NCKAP5: variants seen among roughly 807,000 people sequenced by gnomAD.
The protein encoded by NCKAP5 is NCK associated protein 5.
A neutral mutation model predicts 167.0 loss-of-function variants in NCKAP5; 92 were observed. That is an observed-to-expected ratio of 0.55 (90% CI 0.47 to 0.66). The LOEUF is 0.66. NCKAP5 is among the 30% of genes least tolerant of loss of function. NCKAP5 has a pLI of 0.00. For missense variants in NCKAP5, 2,378 were observed against 2,315.0 expected (o/e 1.03, Z -0.56); for synonymous variants, 891 against 877.4 (o/e 1.02, Z -0.27).
chr2:133,673,177 A>G, the NCKAP5 span, among the ~76,000 whole-genome samples: 2 of 152,192 alleles, frequency 1.3e-5, no homozygotes, highest in Admixed American at 6.5e-5. Context: ...AGGTTCATAT[A>G]GTCCTCTGAG....
intron 6 of NCKAP5, among the ~76,000 whole-genome samples, chr2:133,068,532 G>A (rs2080276948): frequency 6.6e-6 from 1 of 152,186 alleles, no homozygotes; most frequent in Non-Finnish European, 1.5e-5. Flanking sequence ...TGAGCAAGGG[G>A]CTCCTTCTAG....
chr2:132,953,154 T>C (rs1198429997), intron 8 of NCKAP5, among the ~76,000 whole-genome samples: 1 of 152,186 alleles, frequency 6.6e-6, no homozygotes, highest in Non-Finnish European at 1.5e-5. Flanking sequence ...CTTGCACATA[T>C]AAACAGGCCG....
intron 3 of NCKAP5, among the ~76,000 whole-genome samples, chr2:133,473,793 T>G (rs2151291679): frequency 6.6e-6 from 1 of 152,342 alleles, no homozygotes; most frequent in South Asian, 2.1e-4. Context: ...ATTTAAGTTT[T>G]TCTTTGTCAA....
chr2:133,175,425 A>G (rs888485070), intron 5 of NCKAP5, among the ~76,000 whole-genome samples: 1 of 152,120 alleles, frequency 6.6e-6, no homozygotes, highest in Non-Finnish European at 1.5e-5. Flanking sequence ...GTTTTTCTGT[A>G]CTAGGATTAG....
At chr2:132,971,919 G>A (rs958901639) in intron 7 of NCKAP5, among the ~76,000 whole-genome samples, 2 of 152,242 alleles carry the variant, frequency 1.3e-5, no homozygotes, top group South Asian at 4.2e-4. Context: ...AACACTACAG[G>A]TAATTCTAAT....
intron 6 of NCKAP5, among the ~76,000 whole-genome samples, chr2:133,082,344 TG>T (rs1052831994): frequency 7.9e-5 from 12 of 152,300 alleles, no homozygotes; most frequent in Non-Finnish European, 1.0e-4. Flanking sequence ...GACACACATC[TG>T]GTGAATACAA....
At chr2:132,880,184 A>C (rs1039876743) in intron 8 of NCKAP5, among the ~76,000 whole-genome samples, 2 of 152,236 alleles carry the variant, frequency 1.3e-5, no homozygotes, top group Admixed American at 1.3e-4. Context: ...GACATTGGTC[A>C]ATGGTTACAG....
chr2:133,507,525 A>G (rs1238530761), intron 3 of NCKAP5, among the ~76,000 whole-genome samples: 1 of 152,254 alleles, frequency 6.6e-6, no homozygotes. Flanking sequence ...TTTATGAGGA[A>G]GAAACATCTG....
At chr2:133,478,436 C>T (rs529066769) in intron 3 of NCKAP5, among the ~76,000 whole-genome samples, 3 of 152,092 alleles carry the variant, frequency 2.0e-5, no homozygotes, top group Non-Finnish European at 4.4e-5. Flanking sequence ...CATTTACTAG[C>T]ACTGGGATCT....
chr2:133,061,874 T>C (rs894975876), intron 6 of NCKAP5, among the ~76,000 whole-genome samples: 3 of 152,152 alleles, frequency 2.0e-5, no homozygotes, highest in Non-Finnish European at 4.4e-5. Context: ...CACCACCTCC[T>C]AAACACCTTT....
chr2:133,525,130 A>C (rs1307310896), intron 2 of NCKAP5, among the ~76,000 whole-genome samples: 2 of 152,212 alleles, frequency 1.3e-5, no homozygotes, highest in African/African-American at 4.8e-5. Context: ...AGCCCCCTGA[A>C]ACTGATTTAG....
At chr2:132,839,008 A>C (rs1284788482) in intron 11 of NCKAP5, among the ~76,000 whole-genome samples, 1 of 152,172 alleles carries the variant, frequency 6.6e-6, no homozygotes, top group Non-Finnish European at 1.5e-5. Flanking sequence ...TTGGATTTGC[A>C]CTTCTATCAA....
chr2:133,286,449 C>T (rs1376386323), intron 4 of NCKAP5, among the ~76,000 whole-genome samples: 2 of 152,162 alleles, frequency 1.3e-5, no homozygotes, highest in African/African-American at 4.8e-5. Context: ...ACACTCTTTG[C>T]CCTTTCCTGA....
Position 133,006,632 on chromosome 2 carries a change from T to A in NCKAP5, c.342-12393A>T, listed in dbSNP as rs895948492. On this transcript the variant is annotated intron_variant, in intron 6 of 19. Transcript: ENST00000409261. ...TTTTATTTTATTTTATTTTATTTTT[T>A]TTTTGACACATGTTTAGTCATTAAA... is the stretch of plus-strand genomic sequence containing the variant. 2.6e-4 allele frequency among the ~76,000 whole-genome samples: 40 copies of A among 152,248 alleles called. No individual in the cohort carries two copies. The Middle Eastern group carries it at 0.01, about 39-fold the overall frequency.
chr2:133,035,424 T>C (rs2079011560), intron 6 of NCKAP5, among the ~76,000 whole-genome samples: 1 of 152,044 alleles, frequency 6.6e-6, no homozygotes, highest in Non-Finnish European at 1.5e-5. Flanking sequence ...AACAGATATT[T>C]ACAGAATATT....
the NCKAP5 span, among the ~76,000 whole-genome samples, chr2:133,649,746 T>G: frequency 6.6e-6 from 1 of 152,020 alleles, no homozygotes; most frequent in Non-Finnish European, 1.5e-5. Context: ...CTCAACATAA[T>G]AAAGAACATG....
chr2:133,477,884 G>T (rs1680071718), intron 3 of NCKAP5, among the ~76,000 whole-genome samples: 2 of 152,060 alleles, frequency 1.3e-5, no homozygotes, highest in African/African-American at 4.8e-5. Context: ...TACTCAGAAA[G>T]GTGTGCAATT....
intron 2 of NCKAP5, among the ~76,000 whole-genome samples, chr2:133,556,036 T>G (rs754010814): frequency 6.6e-6 from 1 of 152,302 alleles, no homozygotes; most frequent in East Asian, 1.9e-4. Context: ...ACAAACCGTA[T>G]GATTCCAATT....
At chr2:133,380,874 T>C (rs767855470) in intron 3 of NCKAP5, among the ~76,000 whole-genome samples, 2 of 152,230 alleles carry the variant, frequency 1.3e-5, no homozygotes, top group South Asian at 2.1e-4. Flanking sequence ...AAAGGAAGAC[T>C]TATTTTCATC....
Sources: allele counts gnomAD v4.1 joint callset (sites outside exome capture counted in the v4.1 genomes callset), GRCh38; gene constraint gnomAD v4.1.1; transcripts MANE v1.5; gene names NCBI Gene and HGNC (gene_info 2026-07-23, HGNC 2026-07-21).